PLP2: variants seen among roughly 807,000 people sequenced by gnomAD.
The protein encoded by PLP2 is proteolipid protein 2.
PLP2 carries 8 observed loss-of-function variants against 11.4 expected under a neutral mutation model. The ratio of observed to expected loss-of-function variants is 0.70; its 90% confidence interval spans 0.41 to 1.27. The LOEUF (loss-of-function observed/expected upper bound fraction) is 1.27, where lower values mean the gene tolerates loss of function less well. Among genes scored for constraint, PLP2 ranks in the 50% most tolerant of loss-of-function variants. PLP2 has a pLI of 0.01. For synonymous variants in PLP2, 50 were observed against 53.2 expected (o/e 0.94, Z 0.26); for missense variants, 127 against 123.5 (o/e 1.03, Z -0.14).
At chrX:49,173,771 G>T in intron 3 of PLP2, 1 of 468,382 alleles carries the variant, frequency 2.1e-6, no homozygotes, top group Non-Finnish European at 3.6e-6. Context: ...CCCAAATGTA[G>T]TAGAAATTGG....
In PLP2 at chrX:49,174,315, A is replaced by T; in HGVS notation, c.346-20A>T. On this transcript the variant is annotated intron_variant, in intron 3 of 4. Coordinates refer to ENST00000376327, the MANE Select transcript of PLP2 (RefSeq NM_002668.3). ...CTGACCAGCTAATCTAAACCCCCTC[A>T]CTCCTATCCTGTCCCCCAGGTACTG... 1 of 1,144,827 alleles carries T rather than the reference A, an allele frequency of 8.7e-7. No homozygotes were observed. The highest frequency in any genetic ancestry group is 1.2e-6 in the Non-Finnish European group (1 of 835,253). The allele number at this position is 1,144,827 out of a possible 1,213,427, so 94.3% of individuals were successfully genotyped here.
intron 1 of PLP2, 91 bp downstream of exon 1, chrX:49,172,187 GC>G: frequency 1.5e-6 from 1 of 674,001 alleles, no homozygotes; most frequent in East Asian, 3.5e-5. Flanking sequence ...CAGGCACTTG[GC>G]CGGGGCGCTC....
chrX:49,173,697 G>A, intron 3 of PLP2: 1 of 736,529 alleles, frequency 1.4e-6, no homozygotes, highest in Admixed American at 2.9e-5. Context: ...AAGGACCTTG[G>A]TGAGAGGTAC....
intron 1 of PLP2, 150 bp downstream of exon 1, chrX:49,172,246 G>A (rs1557099297): frequency 4.1e-6 from 2 of 484,067 alleles, no homozygotes; most frequent in East Asian, 3.7e-5. Flanking sequence ...CCCGAAACCC[G>A]GGGCGCAGGG....
At chrX:49,172,475 GC>G (rs2065396008) in intron 1 of PLP2, among the ~76,000 whole-genome samples, 1 of 111,697 alleles carries the variant, frequency 9.0e-6, no homozygotes, top group East Asian at 2.8e-4. Flanking sequence ...GCGCCCAGGG[GC>G]AGGGCCTGTT....
At chrX:49,172,499 C>T (rs1272845373) in intron 1 of PLP2, among the ~76,000 whole-genome samples, 2 of 111,742 alleles carry the variant, frequency 1.8e-5, no homozygotes, top group African/African-American at 3.2e-5. Context: ...GGTGGGGCCC[C>T]CCCGCCCCGC....
In PLP2 at chrX:49,172,055, T is replaced by G. The variant is rs372162789; in HGVS notation, c.55T>G (p.Phe19Val). Residue 19 changes from phenylalanine to valine, a missense_variant, in exon 1 of 5, where the codon TTC (phenylalanine) becomes GTC (valine). Transcript: ENST00000376327. The stretch of plus-strand genomic sequence containing the variant: ...TGGCTGCTGGGCCGCCTGCACCAAC[T>G]TCTCGCGCACTCGAAAGGGAATCCT... ...APGCWAACTN[F>V]SRTRKGILLF... 3 of 1,208,283 alleles carry G rather than the reference T, an allele frequency of 2.5e-6. No individual in the cohort carries two copies. The highest frequency in any genetic ancestry group is 3.4e-6 in the Non-Finnish European group (3 of 892,365).
Position 49,173,176 on chromosome X carries a change from C to G in PLP2, c.144C>G (p.Gly48=). ...TCTGCTTCAGTGCCTCCACACCAGG[C>G]TACTCCTCCCTGTCGGTGATTGAGA... The part of the protein sequence containing the change: ...ILICFSASTP[G]YSSLSVIEMI... The change falls in exon 2 of 5, where the codon GGC becomes GGG. Residue 48 remains glycine (G), a synonymous_variant. Coordinates refer to ENST00000376327, the MANE Select transcript of PLP2 (RefSeq NM_002668.3). 1 of 1,208,191 alleles carries G rather than the reference C, an allele frequency of 8.3e-7. No individual in the cohort carries two copies.
intron 3 of PLP2, 91 bp from the exon 4 acceptor site, chrX:49,174,244 C>A: frequency 1.5e-6 from 1 of 668,938 alleles, no homozygotes; most frequent in Non-Finnish European, 2.5e-6. Flanking sequence ...CTGCGTGGGG[C>A]AGGTGCTGGA....
chrX:49,174,677 G>T lies in PLP2; in HGVS notation c.442G>T (p.Ala148Ser), dbSNP rs146996859. The T allele has an allele frequency of 6.3e-5, 76 of 1,205,084 alleles. No homozygotes were observed. In the African/African-American group the frequency reaches 9.8e-4, roughly 16 times the overall value. Residue 148 changes from alanine (A) to serine (S), a missense_variant, in exon 5 of 5, where the codon GCA (alanine) becomes TCA (serine). Transcript: ENST00000376327. ...TCTCTTTTCCTCACCTGCAGACCCC[G>T]CAGATGGCCCGGTGTAGGCGAACTT... is the stretch of plus-strand genomic sequence containing the variant. ...PRHTAAPTDP[A>S]DGPV
Position 49,171,974 on chromosome X carries a change from G to A in PLP2, c.-27G>A. 5 of 1,059,953 alleles carry A rather than the reference G, an allele frequency of 4.7e-6. No individual in the cohort carries two copies. 87.4% of individuals were successfully genotyped at this position (1,059,953 alleles called of 1,213,427 possible). ...CCACGAGCAAGTGAGCAGATCCTCCGAGGCACCAGGGACTCCAGCCCATGC... is the reference window on the plus strand; with the variant it reads ...CCACGAGCAAGTGAGCAGATCCTCCAAGGCACCAGGGACTCCAGCCCATGC... On this transcript the variant is annotated 5_prime_UTR_variant, in exon 1 of 5. Transcript: ENST00000376327.
At chrX:49,172,993 A>G (rs2065397688) in intron 1 of PLP2, 136 bp from the exon 2 acceptor site, 3 of 520,144 alleles carry the variant, frequency 5.8e-6, no homozygotes, top group Admixed American at 2.8e-5. Context: ...CAGTGAGCAC[A>G]TAAAAAGTGT....
rs782524273 is a variant in PLP2 at position 49,174,681 on chromosome X, A to G, written c.446A>G (p.Asp149Gly). Residue 149 changes from aspartate to glycine, a missense_variant, in exon 5 of 5, where the codon GAT becomes GGT. Asp to Gly is a moderately conservative substitution (Grantham distance 94). Transcript: ENST00000376327. ...RHTAAPTDPA[D>G]GPV ...TTTTCCTCACCTGCAGACCCCGCAG[A>G]TGGCCCGGTGTAGGCGAACTTCCCT... 211 of 1,204,959 alleles carry G rather than the reference A, an allele frequency of 1.8e-4. 1 individual carries two copies. The highest frequency in any genetic ancestry group is 2.2e-4 in the Non-Finnish European group (196 of 890,833).
Position 49,174,945 on chromosome X carries a change from C to A in PLP2, c.*251C>A, listed in dbSNP as rs1244490475. The A allele has an allele frequency of 9.1e-6, 4 of 440,129 alleles. No individual in the cohort carries two copies. The highest frequency in any genetic ancestry group is 1.6e-5 in the Non-Finnish European group (4 of 250,491). The allele number at this position is 440,129 out of a possible 1,213,427, so 36.3% of individuals were successfully genotyped here. A position where few individuals can be genotyped will look rare whatever the true frequency, so the allele number is the denominator to read the frequency against. Reference sequence around the variant, plus strand: ...GACACCAGTTCTGACTGAACCATGCCCCCACCTAAGTCACAAAATGAGGGA... The same window carrying A: ...GACACCAGTTCTGACTGAACCATGCACCCACCTAAGTCACAAAATGAGGGA... On this transcript the variant is annotated 3_prime_UTR_variant, in exon 5 of 5. Transcript: ENST00000376327.
At chrX:49,174,210 C>T in intron 3 of PLP2, 125 bp from the exon 4 acceptor site, 1 of 547,208 alleles carries the variant, frequency 1.8e-6, no homozygotes, top group Non-Finnish European at 3.2e-6. Context: ...CCCTGGCTTA[C>T]CAACCCGGTG....
chrX:49,174,309 C>T, intron 3 of PLP2, 26 bp from the exon 4 acceptor site: 1 of 1,111,355 alleles, frequency 9.0e-7, no homozygotes, highest in Non-Finnish European at 1.2e-6. Context: ...TAATCTAAAC[C>T]CCCTCACTCC....
rs11539258 is a variant in PLP2, at chrX:49,174,354, C to T, written c.365C>T (p.Thr122Met). Reference protein sequence around the residue: ...IVAGVLGLIATCLFGYDAYVT... With the variant: ...IVAGVLGLIAMCLFGYDAYVT... ...CCCCAGGTACTGGGCCTAATCGCTA[C>T]GTGCCTCTTTGGCTATGATGCCTAT... The change falls in exon 4 of 5, where the codon ACG becomes ATG. Residue 122 changes from threonine to methionine, a missense_variant. Thr to Met is a moderately conservative substitution (Grantham distance 81). Coordinates refer to ENST00000376327, the MANE Select transcript of PLP2 (RefSeq NM_002668.3). The T allele has an allele frequency of 1.1e-4, 134 of 1,207,457 alleles. No homozygotes were observed. The highest frequency in any genetic ancestry group is 9.2e-4 in the Middle Eastern group (4 of 4,342).
chrX:49,174,188 C>G, intron 3 of PLP2, 147 bp from the exon 4 acceptor site: 1 of 510,703 alleles, frequency 2.0e-6, no homozygotes, highest in Non-Finnish European at 3.5e-6. Flanking sequence ...AGGATGCACT[C>G]TCTTGGCCTT....
At chrX:49,172,386 G>T (rs1382148819) in intron 1 of PLP2, among the ~76,000 whole-genome samples, 1 of 111,459 alleles carries the variant, frequency 9.0e-6, no homozygotes, top group Non-Finnish European at 1.9e-5. Flanking sequence ...GCATCGAAGG[G>T]GTCCCAGGGT....
Sources: gnomAD v4.1 joint callset for allele counts (sites outside exome capture counted in the v4.1 genomes callset) on GRCh38, gnomAD v4.1.1 for gene constraint, MANE v1.5 for transcripts, NCBI Gene and HGNC (gene_info 2026-07-23, HGNC 2026-07-21) for gene names.